The following TTBK2 variants were observed in gnomAD, a reference collection of about 807,000 sequenced individuals.
TTBK2 encodes the protein tau tubulin kinase 2.
In TTBK2, 28 loss-of-function variants were observed where a neutral mutation model predicts 110.8. The observed-to-expected ratio is 0.25, with a 90% CI of 0.19 to 0.35. TTBK2 has a LOEUF of 0.35. TTBK2 is among the 10% of genes least tolerant of loss of function. The pLI is 1.00. For missense variants in TTBK2, 1,369 were observed against 1,500.3 expected (o/e 0.91, Z 1.45); for synonymous variants, 532 against 527.3 (o/e 1.01, Z -0.12).
intron 13 of TTBK2, among the ~76,000 whole-genome samples, chr15:42,774,136 A>G (rs1329478833): frequency 3.3e-5 from 5 of 152,220 alleles, no homozygotes; most frequent in Non-Finnish European, 7.3e-5. Flanking sequence ...TTTCACTGGT[A>G]TCTTTTCCCA....
chr15:42,893,834 A>T (rs1596032008), intron 1 of TTBK2, among the ~76,000 whole-genome samples: 1 of 152,236 alleles, frequency 6.6e-6, no homozygotes, highest in East Asian at 1.9e-4. Flanking sequence ...ATTAGGAAAC[A>T]TAATGAACAA....
chr15:42,813,177 T>G (rs975794464), intron 7 of TTBK2, among the ~76,000 whole-genome samples: 4 of 152,098 alleles, frequency 2.6e-5, no homozygotes, highest in Non-Finnish European at 5.9e-5. Flanking sequence ...CCTAGGCACA[T>G]TTGAATGCAG....
Position 42,801,985 on chromosome 15 carries a change from T to C in TTBK2, c.823-7184A>G, listed in dbSNP as rs143384105. 1.0e-3 allele frequency: 1,607 copies of C among 1,540,920 alleles called. 29 individuals carry two copies. The East Asian group carries it at 0.034, about 32-fold the overall frequency. ...CAGCTGCCACTTAAGGTTGTTGATG[T>C]AGCTCTCGAACATGTTGTCCATGTT... On this transcript the variant is annotated intron_variant, in intron 9 of 14. Transcript: ENST00000267890.
At chr15:42,841,062 T>A (rs1475269091) in intron 3 of TTBK2, among the ~76,000 whole-genome samples, 1 of 152,192 alleles carries the variant, frequency 6.6e-6, no homozygotes, top group Non-Finnish European at 1.5e-5. Context: ...TGGCTACTTA[T>A]GAAAACCAGC....
At chr15:42,768,848 T>C (rs1889516026) in intron 13 of TTBK2, among the ~76,000 whole-genome samples, 1 of 152,168 alleles carries the variant, frequency 6.6e-6, no homozygotes, top group South Asian at 2.1e-4. Context: ...TCATACTACC[T>C]GACTTCAAAC....
At chr15:42,812,857 G>A (rs555044605) in intron 7 of TTBK2, among the ~76,000 whole-genome samples, 1 of 151,626 alleles carries the variant, frequency 6.6e-6, no homozygotes, top group African/African-American at 2.4e-5. Flanking sequence ...AACTCAATGG[G>A]CAGGCTTAAA....
At chr15:42,754,481 C>T (rs7169238) in intron 13 of TTBK2, among the ~76,000 whole-genome samples, 9,111 of 151,496 alleles carry the variant, frequency 0.06, 614 homozygotes, top group African/African-American at 0.18. Context: ...CCGCAACCTC[C>T]GCCTCCTGGG....
intron 3 of TTBK2, among the ~76,000 whole-genome samples, chr15:42,853,728 G>T (rs866762297): frequency 6.6e-6 from 1 of 151,892 alleles, no homozygotes; most frequent in Non-Finnish European, 1.5e-5. Flanking sequence ...ACTATGGAGC[G>T]AACACACATA....
chr15:42,828,664 A>G (rs2140982223), intron 5 of TTBK2, among the ~76,000 whole-genome samples: 1 of 150,666 alleles, frequency 6.6e-6, no homozygotes, highest in East Asian at 2.0e-4. Context: ...CGGAGATTAC[A>G]GTGAGTTGAG....
intron 5 of TTBK2, among the ~76,000 whole-genome samples, chr15:42,828,888 C>A (rs1317635388): frequency 1.3e-5 from 2 of 152,022 alleles, no homozygotes; most frequent in Non-Finnish European, 2.9e-5. Context: ...ACCACAAATG[C>A]AAAGATGAGT....
At position 42,752,850 on chromosome 15, in the gene TTBK2, C is replaced by G; in HGVS notation, c.2396G>C (p.Cys799Ser). Residue 799 changes from cysteine (C) to serine (S), a missense_variant, in exon 14 of 15, where the codon TGT becomes TCT. Physicochemically the swap from Cys to Ser is moderately radical, Grantham distance 112. Around this residue, in one of 4 missense-constraint regions of TTBK2, gnomAD observed 1,097 missense variants for 1,114.7 expected, o/e 0.98. Transcript: ENST00000267890. ...EDEKLSRGQH[C>S]IEISSLPGDL... ...TCCTGGGAGAGAGGAGATCTCAATACAATGCTGCCCTCTACTTAACTTCTC... is the reference window on the plus strand; with the variant it reads ...TCCTGGGAGAGAGGAGATCTCAATAGAATGCTGCCCTCTACTTAACTTCTC... The G allele has an allele frequency of 1.9e-6, 3 of 1,614,184 alleles. No homozygotes were observed. The highest frequency in any genetic ancestry group is 2.5e-6 in the Non-Finnish European group (3 of 1,180,030).
intron 7 of TTBK2, among the ~76,000 whole-genome samples, chr15:42,816,384 T>C (rs915511871): frequency 6.6e-6 from 1 of 151,560 alleles, no homozygotes; most frequent in Non-Finnish European, 1.5e-5. Context: ...CAAACTTCTA[T>C]ATTAAATTTG....
chr15:42,854,468 T>C (rs1011474834), intron 3 of TTBK2, among the ~76,000 whole-genome samples: 1 of 152,148 alleles, frequency 6.6e-6, no homozygotes, highest in Non-Finnish European at 1.5e-5. Context: ...AAAACCTTAT[T>C]GAGTTCAAAG....
chr15:42,843,818 T>C (rs975139165), intron 3 of TTBK2, among the ~76,000 whole-genome samples: 1 of 149,376 alleles, frequency 6.7e-6, no homozygotes, highest in Non-Finnish European at 1.5e-5. Context: ...ACTGATAACA[T>C]TGCTATTGTG....
chr15:42,804,400 C>G (rs1016254922), intron 9 of TTBK2, among the ~76,000 whole-genome samples: 3 of 149,906 alleles, frequency 2.0e-5, no homozygotes, highest in African/African-American at 7.4e-5. Flanking sequence ...GAGATCACGC[C>G]ATTGCACTCC....
intron 1 of TTBK2, among the ~76,000 whole-genome samples, chr15:42,885,786 C>T (rs933353903): frequency 6.6e-6 from 1 of 152,098 alleles, no homozygotes; most frequent in African/African-American, 2.4e-5. Flanking sequence ...GGCAACCTTC[C>T]ACCCTCCATT....
intron 4 of TTBK2, 103 bp from the exon 5 acceptor site, chr15:42,830,181 A>C (rs1892690587): frequency 1.4e-6 from 2 of 1,460,980 alleles, no homozygotes; most frequent in Non-Finnish European, 1.9e-6. Flanking sequence ...TTTCAGCAAA[A>C]TAGCAAGAAT....
intron 1 of TTBK2, among the ~76,000 whole-genome samples, chr15:42,906,545 C>T (rs2030410404): frequency 6.6e-6 from 1 of 152,114 alleles, no homozygotes; most frequent in African/African-American, 2.4e-5. Context: ...TTAAAGACTT[C>T]TTGAATCTAA....
intron 3 of TTBK2, among the ~76,000 whole-genome samples, chr15:42,865,098 C>T (rs1313369622): frequency 6.6e-6 from 1 of 151,920 alleles, no homozygotes; most frequent in Non-Finnish European, 1.5e-5. Flanking sequence ...ATCTGTATTG[C>T]AAAATCTAGG....
Sources: allele counts gnomAD v4.1 joint callset (sites outside exome capture counted in the v4.1 genomes callset), GRCh38; gene constraint gnomAD v4.1.1; regional missense constraint gnomAD v4.1.1; transcripts MANE v1.5; gene names NCBI Gene and HGNC (gene_info 2026-07-23, HGNC 2026-07-21).